Variants in HECW2 observed in about 807,000 individuals in gnomAD.
The protein encoded by HECW2 is E3 ubiquitin-protein ligase HECW2.
Under a neutral mutation model 175.2 loss-of-function variants are expected in HECW2, and 61 were observed. The observed-to-expected ratio is 0.35, with a 90% CI of 0.28 to 0.43. The LOEUF (loss-of-function observed/expected upper bound fraction) is 0.43. HECW2 is among the 20% of genes least tolerant of loss of function. The pLI, the probability that HECW2 is intolerant of heterozygous loss-of-function variation, is 1.00. For synonymous variants in HECW2, 671 were observed against 731.0 expected (o/e 0.92, Z 1.32); for missense variants, 1,524 against 2,000.5 (o/e 0.76, Z 4.54).
At chr2:196,531,925 C>T (rs576396242) in intron 1 of HECW2, among the ~76,000 whole-genome samples, 1 of 152,328 alleles carries the variant, frequency 6.6e-6, no homozygotes, top group East Asian at 1.9e-4. Flanking sequence ...TATTTCACTG[C>T]TCTTAGTTTT....
intron 2 of HECW2, among the ~76,000 whole-genome samples, chr2:196,379,885 T>G (rs1311955256): frequency 9.0e-6 from 1 of 110,612 alleles, no homozygotes. Flanking sequence ...TCTGCATGTA[T>G]GCTATTCTCC....
chr2:196,375,269 C>T (rs922006759), intron 2 of HECW2, among the ~76,000 whole-genome samples: 1 of 151,980 alleles, frequency 6.6e-6, no homozygotes, highest in African/African-American at 2.4e-5. Context: ...GAGAACTGTC[C>T]CAAATGGAAT....
chr2:196,244,340 C>T (rs1420604388), intron 19 of HECW2, among the ~76,000 whole-genome samples: 1 of 152,194 alleles, frequency 6.6e-6, no homozygotes, highest in African/African-American at 2.4e-5. Flanking sequence ...TTGCTTGCCC[C>T]ATAATCTTTT....
In HECW2 at chr2:196,306,606, C is replaced by T. The variant is rs750652650; in HGVS notation, c.2696G>A (p.Arg899Gln). 2.2e-5 allele frequency: 36 copies of T among 1,611,124 alleles called. No individual in the cohort carries two copies. Among genetic ancestry groups the T allele is most frequent in the East Asian group, 1.6e-4 (7 of 44,700 alleles). Residue 899 changes from arginine (R) to glutamine (Q), a missense_variant, in exon 13 of 29, where the codon CGA becomes CAA. Arg to Gln is a conservative substitution (Grantham distance 43, BLOSUM62 1). This residue lies in a region of HECW2 where 105 missense variants were observed against 98.1 expected (regional missense o/e 1.07). Coordinates refer to ENST00000644978, the MANE Select transcript of HECW2 (RefSeq NM_001348768.2). ...ADFHQASADF[R>Q]RENILPHSTS... ...AGAGTGAGGCAGGATGTTCTCCCGT[C>T]GGAAATCTAGATGGGGCAGACCACA...
chr2:196,445,125 C>T (rs1696147278), intron 1 of HECW2, among the ~76,000 whole-genome samples: 1 of 152,170 alleles, frequency 6.6e-6, no homozygotes, highest in Non-Finnish European at 1.5e-5. Flanking sequence ...ACTTATACTT[C>T]ACAGTGCCTC....
At chr2:196,274,331 C>T (rs556774362) in intron 15 of HECW2, among the ~76,000 whole-genome samples, 31 of 152,212 alleles carry the variant, frequency 2.0e-4, no homozygotes, top group Admixed American at 3.9e-4. Context: ...TTGAGGCATC[C>T]ACATTCTTGA....
intron 17 of HECW2, chr2:196,264,289 T>C (rs1689424689): frequency 6.6e-6 from 1 of 152,196 alleles, no homozygotes; most frequent in South Asian, 2.1e-4. Flanking sequence ...GCACTGATAT[T>C]TTGCTTTGGT....
At chr2:196,397,036 C>T (rs945234307) in intron 2 of HECW2, among the ~76,000 whole-genome samples, 1 of 152,034 alleles carries the variant, frequency 6.6e-6, no homozygotes, top group Non-Finnish European at 1.5e-5. Flanking sequence ...GGAGTGAACC[C>T]GGGAGGCGGA....
At chr2:196,587,449 T>C (rs1313220003) in intron 1 of HECW2, among the ~76,000 whole-genome samples, 1 of 152,236 alleles carries the variant, frequency 6.6e-6, no homozygotes, top group African/African-American at 2.4e-5. Flanking sequence ...CTTGTCTCTA[T>C]ACATACATAT....
chr2:196,486,860 G>C (rs1218976156), intron 1 of HECW2, among the ~76,000 whole-genome samples: 1 of 152,170 alleles, frequency 6.6e-6, no homozygotes, highest in Non-Finnish European at 1.5e-5. Context: ...GGAAAGCAGA[G>C]CTAATATTAA....
At position 196,194,960 on chromosome 2, in the gene HECW2, T is replaced by C. The variant is rs1489958075; in HGVS notation, c.*6317A>G. ...TAAAAAGTAATCATTACTATAAAAT[T>C]AGATTAATACTTTCAGTAAGAGGCG... On this transcript the variant is annotated 3_prime_UTR_variant, in exon 29 of 29. Transcript: ENST00000644978. 2.0e-5 allele frequency: 3 copies of C among 152,206 alleles called. No homozygotes were observed. The highest frequency in any genetic ancestry group is 4.4e-5 in the Non-Finnish European group (3 of 68,032). The allele number at this position is 152,206 out of a possible 1,614,324, so 9.4% of individuals were successfully genotyped here. A position where few individuals can be genotyped will look rare whatever the true frequency, so the allele number is the denominator to read the frequency against.
chr2:196,304,512 T>C (rs1691188885), intron 13 of HECW2, among the ~76,000 whole-genome samples: 2 of 152,164 alleles, frequency 1.3e-5, no homozygotes, highest in Non-Finnish European at 2.9e-5. Context: ...TCTGTCTTAT[T>C]TACCACTCTA....
At chr2:196,500,565 G>A (rs1687546230) in intron 1 of HECW2, among the ~76,000 whole-genome samples, 1 of 150,948 alleles carries the variant, frequency 6.6e-6, no homozygotes, top group East Asian at 2.1e-4. Flanking sequence ...AAAACATTTT[G>A]CAGACTGACA....
At chr2:196,270,639 A>G (rs775454688) in intron 17 of HECW2, among the ~76,000 whole-genome samples, 1 of 151,084 alleles carries the variant, frequency 6.6e-6, no homozygotes. Flanking sequence ...CTTGGCTTAA[A>G]TTTTTTTTTC....
At chr2:196,232,961 T>G (rs1297731632) in intron 21 of HECW2, among the ~76,000 whole-genome samples, 1 of 152,204 alleles carries the variant, frequency 6.6e-6, no homozygotes, top group Non-Finnish European at 1.5e-5. Flanking sequence ...AAACTTTGAT[T>G]TGATTATAAT....
intron 14 of HECW2, among the ~76,000 whole-genome samples, chr2:196,285,986 T>A (rs1274721631): frequency 6.6e-6 from 1 of 152,188 alleles, no homozygotes; most frequent in Non-Finnish European, 1.5e-5. Context: ...CACTTTGATG[T>A]AAAATGTTAG....
At position 196,319,071 on chromosome 2, in the gene HECW2, G is replaced by C; in HGVS notation, c.1819C>G (p.Pro607Ala). The C allele has an allele frequency of 6.2e-7, 1 of 1,610,496 alleles. No homozygotes were observed. The highest frequency in any genetic ancestry group is 8.5e-7 in the Non-Finnish European group (1 of 1,178,438). The change falls in exon 9 of 29, where the codon CCT becomes GCT. Residue 607 changes from proline (P) to alanine (A), a missense_variant. This residue lies in a region of HECW2 where 604 missense variants were observed against 588.3 expected (regional missense o/e 1.03). Coordinates refer to ENST00000644978, the MANE Select transcript of HECW2 (RefSeq NM_001348768.2). ...ETESLDQGSEPSQVSSETEPS... is the reference protein window; with the variant it reads ...ETESLDQGSEASQVSSETEPS... The stretch of plus-strand genomic sequence containing the variant: ...TCTGTTTCAGAGGACACCTGGGAAG[G>C]CTCAGAGCCCTGATCGAGAGACTCG...
chr2:196,354,235 T>C (rs928770017), intron 2 of HECW2, among the ~76,000 whole-genome samples: 4 of 152,206 alleles, frequency 2.6e-5, no homozygotes, highest in Non-Finnish European at 4.4e-5. Flanking sequence ...AATTACCACA[T>C]TGTAACACCC....
chr2:196,357,131 G>A (rs948014990), intron 2 of HECW2, among the ~76,000 whole-genome samples: 3 of 152,158 alleles, frequency 2.0e-5, no homozygotes, highest in South Asian at 2.1e-4. Flanking sequence ...ATGGTAGAAC[G>A]GCAAGAGAGG....
Sources: gnomAD v4.1 joint callset for allele counts (sites outside exome capture counted in the v4.1 genomes callset) on GRCh38, gnomAD v4.1.1 for gene constraint, gnomAD v4.1.1 regional missense constraint, MANE v1.5 for transcripts, NCBI Gene and HGNC (gene_info 2026-07-23, HGNC 2026-07-21) for gene names.